Variants in MCF2L2 observed in about 807,000 individuals in gnomAD.
MCF2L2 encodes the protein probable guanine nucleotide exchange factor MCF2L2.
A neutral mutation model predicts 150.2 loss-of-function variants in MCF2L2; 102 were observed. The observed-to-expected ratio is 0.68, with a 90% confidence interval of 0.58 to 0.80. The LOEUF (loss-of-function observed/expected upper bound fraction) is 0.80. Among genes scored for constraint, MCF2L2 ranks in the 30% least tolerant of loss-of-function variants. MCF2L2 has a pLI of 0.00. For synonymous variants in MCF2L2, 465 were observed against 491.3 expected, an observed-to-expected ratio of 0.95 and a Z score of 0.71; for missense variants, 1,256 against 1,372.8, an observed-to-expected ratio of 0.91 and a Z score of 1.34.
intron 3 of MCF2L2, among the ~76,000 whole-genome samples, chr3:183,357,254 A>C (rs1402533143): frequency 1.3e-5 from 2 of 152,218 alleles, no homozygotes; most frequent in Non-Finnish European, 2.9e-5. Context: ...GAACACTACA[A>C]ACTTCAAGCT....
At chr3:183,426,102 G>A (rs1184433244) in intron 1 of MCF2L2, among the ~76,000 whole-genome samples, 1 of 152,150 alleles carries the variant, frequency 6.6e-6, no homozygotes, top group Non-Finnish European at 1.5e-5. Context: ...AAAAGCCAAG[G>A]GTCATTAGAG....
intron 3 of MCF2L2, among the ~76,000 whole-genome samples, chr3:183,361,000 A>AAAGG (rs1560040089): frequency 3.5e-4 from 49 of 140,394 alleles, no homozygotes; most frequent in African/African-American, 1.2e-3. Context: ...AAAGAAAAGA[A>AAAGG]AAGAAAAGAA....
chr3:183,317,955 A>G, intron 7 of MCF2L2, 113 bp downstream of exon 7: 1 of 1,336,798 alleles, frequency 7.5e-7, no homozygotes, highest in Non-Finnish European at 1.0e-6. Context: ...CCAAGTCACT[A>G]AAGAAGAAGG....
At chr3:183,272,666 A>G in intron 15 of MCF2L2, 1 of 1,004,036 alleles carries the variant, frequency 1.0e-6, no homozygotes, top group Non-Finnish European at 1.2e-6. Context: ...ATTACAGTTT[A>G]AGTTTTCTGA....
intron 3 of MCF2L2, among the ~76,000 whole-genome samples, chr3:183,352,785 G>C (rs1327262412): frequency 6.6e-6 from 1 of 152,174 alleles, no homozygotes; most frequent in Non-Finnish European, 1.5e-5. Context: ...GATACTTGGA[G>C]ATATATGAAA....
At chr3:183,194,250 A>C (rs958253311) in intron 26 of MCF2L2, among the ~76,000 whole-genome samples, 3 of 152,182 alleles carry the variant, frequency 2.0e-5, no homozygotes, top group African/African-American at 7.2e-5. Context: ...CTACTGTATC[A>C]GAACTGGATC....
intron 22 of MCF2L2, among the ~76,000 whole-genome samples, chr3:183,210,668 T>C (rs995665794): frequency 6.6e-6 from 1 of 152,154 alleles, no homozygotes; most frequent in Non-Finnish European, 1.5e-5. Context: ...TAAGTCGAGG[T>C]GTACACTCTC....
At position 183,181,416 on chromosome 3, in the gene MCF2L2, G is replaced by A. The variant is rs1267010430; in HGVS notation, c.3017-1257C>T. Among the ~76,000 whole-genome samples the A allele has an allele frequency of 4.6e-5, 7 of 152,062 alleles. No homozygotes were observed. The highest frequency in any genetic ancestry group is 8.8e-5 in the Non-Finnish European group (6 of 68,004). The stretch of plus-strand genomic sequence containing the variant: ...AGGGGGCTGGACACCCTCCTCTCAG[G>A]TTGAAGCAAGTCCTGGTTGAGTTCC... On this transcript the variant is annotated intron_variant, in intron 27 of 29. Transcript: ENST00000328913. This position sits in a 1 kb window ranked among gnomAD's most constrained non-coding sequence, Gnocchi z 4.3.
intron 1 of MCF2L2, among the ~76,000 whole-genome samples, chr3:183,414,749 C>CTG (rs1184112185): frequency 6.6e-6 from 1 of 152,172 alleles, no homozygotes; most frequent in Non-Finnish European, 1.5e-5. Context: ...TTTGAGTATG[C>CTG]TGTGTCTTGA....
chr3:183,301,832 C>T lies in MCF2L2; in HGVS notation c.1114-1636G>A, dbSNP rs117895807. Among the ~76,000 whole-genome samples, 51 of 151,488 alleles carry T rather than the reference C, an allele frequency of 3.4e-4. No homozygotes were observed. In the East Asian group the frequency reaches 9.9e-3, roughly 29 times the overall value. On this transcript the variant is annotated intron_variant, in intron 10 of 29. Coordinates refer to ENST00000328913, the MANE Select transcript of MCF2L2 (RefSeq NM_015078.4). ...AAAGAGAAAAGAAAGCCTGACACTA[C>T]AGCCTTAGAAAGAAAGACCCGATTT... is the stretch of plus-strand genomic sequence containing the variant.
At chr3:183,313,577 G>A (rs550290296) in intron 7 of MCF2L2, among the ~76,000 whole-genome samples, 3 of 152,270 alleles carry the variant, frequency 2.0e-5, no homozygotes, top group Admixed American at 6.5e-5. Context: ...ACGGAAAGAT[G>A]GAGCAACTAC....
In MCF2L2 at chr3:183,244,369, G is replaced by C. The variant is rs367996384; in HGVS notation, c.1863-13352C>G. ...CTTTGGCACTTGGCCACAGACTGCA[G>C]GCTGCACTATCAGCTTCCCTATTTT... is the stretch of plus-strand genomic sequence containing the variant. On this transcript the variant is annotated intron_variant, in intron 15 of 29. Transcript: ENST00000328913. Among the ~76,000 whole-genome samples the C allele has an allele frequency of 1.9e-4, 29 of 152,260 alleles. No homozygotes were observed. In the East Asian group the frequency reaches 5.2e-3, roughly 27 times the overall value.
intron 4 of MCF2L2, among the ~76,000 whole-genome samples, chr3:183,340,482 A>C (rs1730654098): frequency 6.6e-6 from 1 of 152,138 alleles, no homozygotes. Context: ...CTACAGAGGA[A>C]GGACACATCT....
chr3:183,403,664 G>C (rs1170283973), intron 1 of MCF2L2, among the ~76,000 whole-genome samples: 1 of 152,236 alleles, frequency 6.6e-6, no homozygotes, highest in East Asian at 1.9e-4. Context: ...TTTTGTTGAA[G>C]AGAGAATTCT....
intron 2 of MCF2L2, among the ~76,000 whole-genome samples, chr3:183,386,065 C>T (rs1322159104): frequency 6.6e-6 from 1 of 152,196 alleles, no homozygotes; most frequent in Non-Finnish European, 1.5e-5. Context: ...CGTCAGACCT[C>T]GTTATGCAAT....
chr3:183,326,564 T>TTG (rs1362346544), intron 5 of MCF2L2, among the ~76,000 whole-genome samples: 19 of 150,600 alleles, frequency 1.3e-4, no homozygotes, highest in African/African-American at 1.7e-4. Context: ...AATTATAGAT[T>TTG]CACAAGAAGT....
rs180758577 is a variant in MCF2L2 at position 183,318,972 on chromosome 3, G to C, written c.604-755C>G. ...ATGGTTGCCGAAGGCTGGAATGGTGGTGACAATTTCTTAAAGTAAGACAAC... is the reference window on the plus strand; with the variant it reads ...ATGGTTGCCGAAGGCTGGAATGGTGCTGACAATTTCTTAAAGTAAGACAAC... On this transcript the variant is annotated intron_variant, in intron 6 of 29. Transcript: ENST00000328913. Among the ~76,000 whole-genome samples the C allele has an allele frequency of 3.3e-4, 51 of 152,348 alleles. 1 individual carries two copies. The highest frequency in any genetic ancestry group is 3.1e-3 in the Admixed American group (47 of 15,296).
At chr3:183,298,765 G>GTGCGCGCGCGCGCGCACACACACACA (rs1553776981) in intron 11 of MCF2L2, 4 of 138,500 alleles carry the variant, frequency 2.9e-5, no homozygotes, top group African/African-American at 1.2e-4. Flanking sequence ...AAACACACAT[G>GTGCGCGCGCGCGCGCACACACACACA]CACACACACA....
chr3:183,418,711 TTCGTGTCTCACA>T (rs1715721197), intron 1 of MCF2L2, among the ~76,000 whole-genome samples: 1 of 152,242 alleles, frequency 6.6e-6, no homozygotes. Flanking sequence ...CTCCTTTGAC[TTCGTGTCTCACA>T]TCCAGGGTAA....
Sources: gnomAD v4.1 joint callset for allele counts (sites outside exome capture counted in the v4.1 genomes callset) on GRCh38, gnomAD v4.1.1 for gene constraint, Gnocchi (gnomAD v3.1) non-coding constraint, MANE v1.5 for transcripts, NCBI Gene and HGNC (gene_info 2026-07-23, HGNC 2026-07-21) for gene names.